HMBOX1: variants seen among roughly 807,000 people sequenced by gnomAD.
HMBOX1 encodes the protein homeobox containing 1.
HMBOX1 carries 14 observed loss-of-function variants against 54.5 expected under a neutral mutation model. The observed-to-expected ratio is 0.26, with a 90% CI of 0.17 to 0.40. The LOEUF is 0.40. Among genes scored for constraint, HMBOX1 ranks in the 10% least tolerant of loss-of-function variants. HMBOX1 has a pLI of 1.00. For synonymous variants in HMBOX1, 160 were observed against 181.0 expected (o/e 0.88, Z 0.93); for missense variants, 332 against 514.4 (o/e 0.65, Z 3.43).
intron 1 of HMBOX1, among the ~76,000 whole-genome samples, chr8:28,901,205 A>G (rs553608483): frequency 1.3e-5 from 2 of 151,822 alleles, no homozygotes; most frequent in South Asian, 4.2e-4. Context: ...AGAATTCTCT[A>G]TTTGTTGCAA....
chr8:28,940,271 T>G (rs1001100712), intron 1 of HMBOX1, among the ~76,000 whole-genome samples: 2 of 152,168 alleles, frequency 1.3e-5, no homozygotes, highest in Non-Finnish European at 2.9e-5. Flanking sequence ...CCTCCCAAAG[T>G]GCTGGGATTA....
intron 1 of HMBOX1, among the ~76,000 whole-genome samples, chr8:28,897,539 G>A (rs1812389392): frequency 6.6e-6 from 1 of 152,064 alleles, no homozygotes; most frequent in Non-Finnish European, 1.5e-5. Context: ...AGCCGGGCGT[G>A]GTGGCACACA....
chr8:28,966,656 C>G (rs1393363215), intron 2 of HMBOX1, among the ~76,000 whole-genome samples: 1 of 152,094 alleles, frequency 6.6e-6, no homozygotes, highest in Non-Finnish European at 1.5e-5. Context: ...TATATTAATA[C>G]ACATTGGAAC....
At chr8:28,990,255 T>A (rs1253630628) in intron 4 of HMBOX1, among the ~76,000 whole-genome samples, 1 of 152,212 alleles carries the variant, frequency 6.6e-6, no homozygotes, top group African/African-American at 2.4e-5. Flanking sequence ...CTTACCTTGT[T>A]CCCAGTCTTA....
chr8:29,040,918 C>T (rs991030942), intron 6 of HMBOX1, among the ~76,000 whole-genome samples: 5 of 151,986 alleles, frequency 3.3e-5, no homozygotes, highest in Non-Finnish European at 5.9e-5. Flanking sequence ...TGAATAATCG[C>T]GAATTCTAGT....
At chr8:28,967,706 A>AAAT (rs537564265) in intron 2 of HMBOX1, among the ~76,000 whole-genome samples, 1 of 152,236 alleles carries the variant, frequency 6.6e-6, no homozygotes, top group Non-Finnish European at 1.5e-5. Flanking sequence ...TTTCAAGGGA[A>AAAT]AATAATAATG....
intron 4 of HMBOX1, among the ~76,000 whole-genome samples, chr8:28,980,739 C>T (rs1415917603): frequency 2.0e-5 from 3 of 151,876 alleles, no homozygotes; most frequent in Non-Finnish European, 4.4e-5. Flanking sequence ...TTTTTAATGA[C>T]GTTCTTAAAT....
intron 1 of HMBOX1, among the ~76,000 whole-genome samples, chr8:28,955,075 G>A (rs1178263817): frequency 6.6e-6 from 1 of 152,016 alleles, no homozygotes; most frequent in Non-Finnish European, 1.5e-5. Flanking sequence ...GTAATATTTT[G>A]ACAGTTCTAG....
At chr8:29,032,616 C>T (rs1325404757) in intron 6 of HMBOX1, among the ~76,000 whole-genome samples, 1 of 152,244 alleles carries the variant, frequency 6.6e-6, no homozygotes, top group Non-Finnish European at 1.5e-5. Context: ...TGAATTATTT[C>T]ACCATCTGCT....
chr8:29,046,147 A>G (rs1457189572), intron 7 of HMBOX1, among the ~76,000 whole-genome samples: 1 of 152,240 alleles, frequency 6.6e-6, no homozygotes, highest in Admixed American at 6.5e-5. Flanking sequence ...CAAAAGTATC[A>G]ATGTTTTATA....
At chr8:29,038,507 C>A (rs1804281773) in intron 6 of HMBOX1, among the ~76,000 whole-genome samples, 1 of 152,106 alleles carries the variant, frequency 6.6e-6, no homozygotes, top group African/African-American at 2.4e-5. Context: ...AGAAACAGGT[C>A]CCCTTTAGAG....
intron 5 of HMBOX1, 161 bp downstream of exon 5, chr8:29,009,343 A>C (rs118037706): frequency 1.5e-6 from 1 of 660,242 alleles, no homozygotes; most frequent in Non-Finnish European, 1.9e-6. Flanking sequence ...CTAAACCCTG[A>C]CTGTAATAAA....
chr8:29,013,107 G>T (rs1337994590), intron 5 of HMBOX1, among the ~76,000 whole-genome samples: 5 of 152,156 alleles, frequency 3.3e-5, no homozygotes, highest in African/African-American at 1.2e-4. Context: ...GGGCGTTGGA[G>T]CATTTCTCTT....
intron 1 of HMBOX1, among the ~76,000 whole-genome samples, chr8:28,910,310 A>G (rs528914041): frequency 6.6e-6 from 1 of 152,298 alleles, no homozygotes; most frequent in South Asian, 2.1e-4. Context: ...TTGTTTGTCC[A>G]CCAGCTGATG....
At chr8:28,892,943 T>C (rs944968720) in intron 1 of HMBOX1, among the ~76,000 whole-genome samples, 2 of 152,202 alleles carry the variant, frequency 1.3e-5, no homozygotes, top group Non-Finnish European at 2.9e-5. Context: ...TTCTGAAGCA[T>C]ATTATAATAG....
intron 4 of HMBOX1, among the ~76,000 whole-genome samples, chr8:29,004,047 A>C (rs1833067177): frequency 6.6e-6 from 1 of 152,162 alleles, no homozygotes; most frequent in African/African-American, 2.4e-5. Flanking sequence ...GATTGTATTT[A>C]GTAAATATGT....
intron 4 of HMBOX1, among the ~76,000 whole-genome samples, chr8:28,989,519 G>T (rs1830671663): frequency 6.6e-6 from 1 of 152,024 alleles, no homozygotes; most frequent in South Asian, 2.1e-4. Context: ...AAACTCAGTT[G>T]GACATGCATG....
chr8:29,053,249 T>C lies in HMBOX1; in HGVS notation c.*2094T>C, dbSNP rs1806602365. ...TCAGGGGGAAAAAATATATGTACTT[T>C]TTTCAGCTTCCAAGCATTGAAGTGA... On this transcript the variant is annotated 3_prime_UTR_variant, in exon 10 of 10. Transcript: ENST00000287701. The C allele has an allele frequency of 6.6e-6, 1 of 152,152 alleles. No individual in the cohort carries two copies. Among genetic ancestry groups the C allele is most frequent in the South Asian group, 2.1e-4 (1 of 4,820 alleles). The allele number at this position is 152,152 out of a possible 1,614,324, so 9.4% of individuals were successfully genotyped here.
intron 1 of HMBOX1, among the ~76,000 whole-genome samples, chr8:28,908,864 C>T (rs1014549474): frequency 7.2e-5 from 11 of 152,068 alleles, no homozygotes; most frequent in Admixed American, 1.3e-4. Flanking sequence ...GAAGCTGATG[C>T]AGGAGGATTG....
Sources: gnomAD v4.1 joint callset for allele counts (sites outside exome capture counted in the v4.1 genomes callset) on GRCh38, gnomAD v4.1.1 for gene constraint, MANE v1.5 for transcripts, NCBI Gene and HGNC (gene_info 2026-07-23, HGNC 2026-07-21) for gene names.